Variants in SSX2IP observed in about 807,000 individuals in gnomAD.
The protein encoded by SSX2IP is SSX family member 2 interacting protein, also known as afadin- and alpha-actinin-binding protein.
A neutral mutation model predicts 84.9 loss-of-function variants in SSX2IP; 55 were observed. The observed-to-expected ratio is 0.65, with a 90% CI of 0.52 to 0.81. The LOEUF (loss-of-function observed/expected upper bound fraction) is 0.81, where lower values mean the gene tolerates loss of function less well. Among genes scored for constraint, SSX2IP ranks in the 30% least tolerant of loss-of-function variants. The probability of loss-of-function intolerance (pLI) is 0.00; values close to 1 mark genes in which losing one functional copy is unlikely to be tolerated. For missense variants in SSX2IP, 664 were observed against 705.2 expected, an observed-to-expected ratio of 0.94 and a Z score of 0.66; for synonymous variants, 239 against 234.7, an observed-to-expected ratio of 1.02 and a Z score of -0.17.
At chr1:84,679,510 A>G (rs1274612902) in intron 1 of SSX2IP, among the ~76,000 whole-genome samples, 1 of 152,206 alleles carries the variant, frequency 6.6e-6, no homozygotes, top group East Asian at 1.9e-4. Flanking sequence ...TTTGTGGCCA[A>G]TAGAGGATTT....
chr1:84,656,216 T>A (rs1651094246), intron 10 of SSX2IP, 132 bp downstream of exon 10: 2 of 1,002,840 alleles, frequency 2.0e-6, no homozygotes, highest in Admixed American at 2.7e-5. Context: ...AATGTATCTG[T>A]TAGCAGGGAA....
At chr1:84,680,700 T>C (rs1654960714) in intron 1 of SSX2IP, among the ~76,000 whole-genome samples, 1 of 152,088 alleles carries the variant, frequency 6.6e-6, no homozygotes, top group African/African-American at 2.4e-5. Flanking sequence ...AATTCTGCTC[T>C]ATAAACACAA....
intron 5 of SSX2IP, among the ~76,000 whole-genome samples, chr1:84,665,058 CT>C (rs1458244781): frequency 2.0e-5 from 3 of 152,106 alleles, no homozygotes; most frequent in Non-Finnish European, 2.9e-5. Flanking sequence ...CAAATATTTG[CT>C]GAGTATCTAC....
intron 6 of SSX2IP, among the ~76,000 whole-genome samples, chr1:84,663,102 T>C (rs981613871): frequency 6.6e-6 from 1 of 152,172 alleles, no homozygotes; most frequent in Non-Finnish European, 1.5e-5. Flanking sequence ...AAGTTTGCCA[T>C]GTCCTGTTAA....
chr1:84,678,371 G>A (rs976888680), intron 1 of SSX2IP, among the ~76,000 whole-genome samples: 7 of 152,232 alleles, frequency 4.6e-5, no homozygotes, highest in Non-Finnish European at 7.4e-5. Context: ...CTTCTTGCAC[G>A]TATTTCAAAA....
At chr1:84,667,307 T>A (rs984053683) in intron 4 of SSX2IP, among the ~76,000 whole-genome samples, 3 of 149,026 alleles carry the variant, frequency 2.0e-5, no homozygotes, top group African/African-American at 7.4e-5. Flanking sequence ...CTTGAATCCA[T>A]GACCCCTAGT....
intron 1 of SSX2IP, among the ~76,000 whole-genome samples, chr1:84,689,738 T>C (rs1293997822): frequency 2.0e-5 from 3 of 152,262 alleles, no homozygotes; most frequent in African/African-American, 7.2e-5. Context: ...TTCAGTTTAC[T>C]GTCGTTGACT....
At chr1:84,649,720 G>C in intron 13 of SSX2IP, 1 of 313,338 alleles carries the variant, frequency 3.2e-6, no homozygotes. Flanking sequence ...TGTTCTACCT[G>C]CTTCCTCTTC....
At chr1:84,686,052 C>G (rs1008819665) in intron 1 of SSX2IP, among the ~76,000 whole-genome samples, 1 of 152,194 alleles carries the variant, frequency 6.6e-6, no homozygotes, top group Non-Finnish European at 1.5e-5. Context: ...CTACAAATCT[C>G]CTCCAAACTT....
chr1:84,663,274 G>A (rs1652293923), intron 6 of SSX2IP, among the ~76,000 whole-genome samples: 1 of 152,076 alleles, frequency 6.6e-6, no homozygotes, highest in Non-Finnish European at 1.5e-5. Flanking sequence ...CTTCCGATTG[G>A]ACCAGGAAAC....
At chr1:84,664,837 C>T (rs528669026) in intron 5 of SSX2IP, among the ~76,000 whole-genome samples, 35 of 152,098 alleles carry the variant, frequency 2.3e-4, no homozygotes, top group African/African-American at 6.0e-4. Context: ...AGTATTAAAA[C>T]GATTAAAACT....
intron 11 of SSX2IP, among the ~76,000 whole-genome samples, chr1:84,653,295 A>G (rs972381697): frequency 2.0e-5 from 3 of 152,206 alleles, no homozygotes; most frequent in Non-Finnish European, 4.4e-5. Context: ...TGACTTCATC[A>G]AGCATTTCTC....
chr1:84,674,783 A>C (rs1232653652), intron 1 of SSX2IP, among the ~76,000 whole-genome samples: 1 of 152,204 alleles, frequency 6.6e-6, no homozygotes, highest in Non-Finnish European at 1.5e-5. Flanking sequence ...AAAAAACTTA[A>C]CTAACAGTAT....
chr1:84,661,060 C>T (rs1463899457), intron 8 of SSX2IP, among the ~76,000 whole-genome samples: 6 of 114,052 alleles, frequency 5.3e-5, no homozygotes, highest in East Asian at 4.6e-4. Context: ...AGCAAGACTC[C>T]GTCTCTTAAA....
rs1270454587 is a variant in SSX2IP, at chr1:84,645,742, A to G, written c.*1691T>C. On this transcript the variant is annotated 3_prime_UTR_variant, in exon 14 of 14. Coordinates refer to ENST00000342203, the MANE Select transcript of SSX2IP (RefSeq NM_001166293.2). ...CAAAAACAAAAACAACAAAAATCCTATATCCCAGCTAGATTTCTTCCTTTA... is the reference window on the plus strand; with the variant it reads ...CAAAAACAAAAACAACAAAAATCCTGTATCCCAGCTAGATTTCTTCCTTTA... 1 of 152,104 alleles carries G rather than the reference A, an allele frequency of 6.6e-6. No homozygotes were observed. The highest frequency in any genetic ancestry group is 1.5e-5 in the Non-Finnish European group (1 of 68,014). 9.4% of individuals were successfully genotyped at this position (152,104 alleles called of 1,614,324 possible).
rs1287910403 is a variant in SSX2IP at position 84,664,507 on chromosome 1, T to C, written c.583A>G (p.Asn195Asp). The C allele has an allele frequency of 1.2e-6, 2 of 1,600,200 alleles. No individual in the cohort carries two copies. Among genetic ancestry groups the C allele is most frequent in the Non-Finnish European group, 1.7e-6 (2 of 1,175,014 alleles). The change falls in exon 6 of 14, where the codon AAT (asparagine) becomes GAT (aspartate). Residue 195 changes from asparagine to aspartate, a missense_variant. Transcript: ENST00000342203. The stretch of plus-strand genomic sequence containing the variant: ...CGCTCTTTTCTCTTCATATCATGAT[T>C]ATACTGAGTAGCTCGACTTGCAATG... ...NIIASRATQY[N>D]HDMKRKEREY... is the part of the protein sequence containing the mutation.
intron 1 of SSX2IP, among the ~76,000 whole-genome samples, chr1:84,673,964 C>A (rs963933445): frequency 6.6e-6 from 1 of 152,118 alleles, no homozygotes; most frequent in Admixed American, 6.6e-5. Context: ...TTCCCACTGT[C>A]CTTAAATGGG....
chr1:84,681,876 G>A (rs1467589479), intron 1 of SSX2IP, among the ~76,000 whole-genome samples: 1 of 152,146 alleles, frequency 6.6e-6, no homozygotes, highest in African/African-American at 2.4e-5. Flanking sequence ...ACAGGGAACA[G>A]AAATACAGAG....
intron 10 of SSX2IP, 107 bp downstream of exon 10, chr1:84,656,241 C>G: frequency 8.5e-7 from 1 of 1,183,300 alleles, no homozygotes; most frequent in Non-Finnish European, 1.2e-6. Context: ...GACTAGAAAT[C>G]TGTCAAATAC....
Sources: gnomAD v4.1 joint callset for allele counts (sites outside exome capture counted in the v4.1 genomes callset) on GRCh38, gnomAD v4.1.1 for gene constraint, MANE v1.5 for transcripts, NCBI Gene and HGNC (gene_info 2026-07-23, HGNC 2026-07-21) for gene names.